Variants in C16orf46 observed in about 807,000 individuals in gnomAD.
The protein encoded by C16orf46 is chromosome 16 open reading frame 46.
A neutral mutation model predicts 5.5 loss-of-function variants in C16orf46; 7 were observed. That is an observed-to-expected ratio of 1.28 (90% CI 0.73 to 2.40). The LOEUF (loss-of-function observed/expected upper bound fraction) is 2.40. Among genes scored for constraint, C16orf46 ranks in the 30% most tolerant of loss-of-function variants. C16orf46 has a pLI of 0.00. For synonymous variants in C16orf46, 200 were observed against 184.1 expected, an observed-to-expected ratio of 1.09 and a Z score of -0.70; for missense variants, 614 against 476.0, an observed-to-expected ratio of 1.29 and a Z score of -2.70.
intron 1 of C16orf46, among the ~76,000 whole-genome samples, chr16:81,072,884 G>A (rs1031747834): frequency 9.2e-5 from 14 of 151,860 alleles, no homozygotes; most frequent in Admixed American, 9.2e-4. Context: ...GTATTTTTTT[G>A]TAGAAACAGG....
chr16:81,071,824 T>C (rs748788748), intron 1 of C16orf46, among the ~76,000 whole-genome samples: 13 of 151,846 alleles, frequency 8.6e-5, no homozygotes, highest in Middle Eastern at 3.2e-3. Flanking sequence ...AGAAAAAAAA[T>C]GCAGGAAGGT....
intron 3 of C16orf46, among the ~76,000 whole-genome samples, chr16:81,054,394 A>G (rs1012764906): frequency 2.6e-4 from 39 of 152,306 alleles, no homozygotes; most frequent in African/African-American, 9.1e-4. Context: ...TGCTTTAGGA[A>G]TTATTTACTC....
Position 81,070,450 on chromosome 16 carries a change from T to G in C16orf46, c.-127-4169A>C, listed in dbSNP as rs191653577. On this transcript the variant is annotated intron_variant, in intron 1 of 3. Coordinates refer to ENST00000299578, the MANE Select transcript of C16orf46 (RefSeq NM_152337.3). ...TGGTATTAGTGAATGAAGAGACACA[T>G]AGGTCAATGCGCCAGAATAAGGAAT... Among the ~76,000 whole-genome samples, 3 of 152,256 alleles carry G rather than the reference T, an allele frequency of 2.0e-5. No individual in the cohort carries two copies. The East Asian group carries it at 5.8e-4, about 29-fold the overall frequency.
chr16:81,059,953 TA>T (rs1206944550), downstream of C16orf46, among the ~76,000 whole-genome samples: 8 of 151,806 alleles, frequency 5.3e-5, no homozygotes, highest in African/African-American at 1.9e-4. Context: ...CACGCCCGGC[TA>T]ATTTTTTGTA....
chr16:81,070,180 A>G (rs975326213), intron 1 of C16orf46, among the ~76,000 whole-genome samples: 1 of 152,204 alleles, frequency 6.6e-6, no homozygotes, highest in Admixed American at 6.5e-5. Context: ...ATATGAAAAC[A>G]CAAAGTCCCA....
chr16:81,062,084 G>A lies in C16orf46; in HGVS notation c.265C>T (p.Pro89Ser). Residue 89 changes from proline to serine, a missense_variant, in exon 4 of 4, where the codon CCA becomes TCA. By Grantham distance (74) the Pro-to-Ser change is moderately conservative (BLOSUM62 -1). Coordinates refer to ENST00000299578, the MANE Select transcript of C16orf46 (RefSeq NM_152337.3). ...CCTTCCCCTACCCTCGCCTTTTTTG[G>A]TATCTTCCTCGGCCAGATGCAGGCA... Reference protein sequence around the residue: ...PAACIWPRKIPKKARVGEGAC... With the variant: ...PAACIWPRKISKKARVGEGAC... 4.3e-6 allele frequency: 7 copies of A among 1,609,220 alleles called. No individual in the cohort carries two copies. The highest frequency in any genetic ancestry group is 5.9e-6 in the Non-Finnish European group (7 of 1,179,788).
intron 1 of C16orf46, among the ~76,000 whole-genome samples, chr16:81,076,177 T>C (rs1972033990): frequency 1.3e-5 from 2 of 152,180 alleles, no homozygotes; most frequent in Non-Finnish European, 2.9e-5. Context: ...GGACCAATCT[T>C]CACTTACATG....
intron 1 of C16orf46, among the ~76,000 whole-genome samples, chr16:81,074,758 G>A (rs1233330875): frequency 6.6e-6 from 1 of 151,630 alleles, no homozygotes; most frequent in Non-Finnish European, 1.5e-5. Context: ...TCACATGAAT[G>A]GCTAAAAATT....
chr16:81,076,812 T>C (rs1010867254), intron 1 of C16orf46: 2 of 152,430 alleles, frequency 1.3e-5, no homozygotes, highest in Non-Finnish European at 2.9e-5. Context: ...GCTCTTCCCC[T>C]TCCTCCGCCA....
intron 1 of C16orf46, among the ~76,000 whole-genome samples, chr16:81,071,313 ACC>A (rs1971845291): frequency 6.6e-6 from 1 of 152,152 alleles, no homozygotes; most frequent in Non-Finnish European, 1.5e-5. Flanking sequence ...AATAAGAGCG[ACC>A]AACTATCTGT....
intron 1 of C16orf46, among the ~76,000 whole-genome samples, chr16:81,073,079 A>ATGCTAGCAGAAAAG (rs1971910901): frequency 6.6e-6 from 1 of 152,242 alleles, no homozygotes; most frequent in Non-Finnish European, 1.5e-5. Context: ...AAGTCACATG[A>ATGCTAGCAGAAAAG]TGCTAGCAGA....
At chr16:81,067,251 G>T (rs557336644) in intron 1 of C16orf46, among the ~76,000 whole-genome samples, 6 of 152,254 alleles carry the variant, frequency 3.9e-5, no homozygotes, top group Non-Finnish European at 2.9e-5. Flanking sequence ...ATGTAAAGTG[G>T]TTTATTTTCT....
At chr16:81,054,165 A>G in intron 3 of C16orf46, 2 of 1,421,550 alleles carry the variant, frequency 1.4e-6, no homozygotes, top group Non-Finnish European at 2.0e-6. Flanking sequence ...GCAGAAGTCA[A>G]TGCATCTGAA....
chr16:81,069,157 C>T (rs977379176), intron 1 of C16orf46, among the ~76,000 whole-genome samples: 2 of 152,240 alleles, frequency 1.3e-5, no homozygotes, highest in Admixed American at 6.6e-5. Context: ...ACTCAAGCTG[C>T]CAGGCTCTTT....
At chr16:81,067,990 A>G (rs990200960) in intron 1 of C16orf46, among the ~76,000 whole-genome samples, 1 of 152,232 alleles carries the variant, frequency 6.6e-6, no homozygotes, top group African/African-American at 2.4e-5. Flanking sequence ...TATTTGTCCA[A>G]TTATTCTTAA....
At position 81,061,003 on chromosome 16, in the gene C16orf46, T is replaced by C; in HGVS notation, c.*158A>G. 7.3e-6 allele frequency: 10 copies of C among 1,377,126 alleles called. No individual in the cohort carries two copies. The highest frequency in any genetic ancestry group is 9.3e-6 in the Non-Finnish European group (10 of 1,076,502). 85.3% of individuals were successfully genotyped at this position (1,377,126 alleles called of 1,614,324 possible). A position where few individuals can be genotyped will look rare whatever the true frequency, so the allele number is the denominator to read the frequency against. On this transcript the variant is annotated 3_prime_UTR_variant, in exon 4 of 4. Coordinates refer to ENST00000299578, the MANE Select transcript of C16orf46 (RefSeq NM_152337.3). ...ACTGAGGTTCAGTTTTCTTCAGTTGTACTACAAAAAAAAAATGGAGGAAAA... is the reference window on the plus strand; with the variant it reads ...ACTGAGGTTCAGTTTTCTTCAGTTGCACTACAAAAAAAAAATGGAGGAAAA...
intron 1 of C16orf46, among the ~76,000 whole-genome samples, chr16:81,071,814 A>AG (rs1429192535): frequency 3.3e-5 from 5 of 152,240 alleles, no homozygotes; most frequent in Non-Finnish European, 4.4e-5. Flanking sequence ...CTTATAAATG[A>AG]GAAAAAAAAT....
intron 1 of C16orf46, among the ~76,000 whole-genome samples, chr16:81,070,785 T>G (rs750552289): frequency 6.6e-6 from 1 of 152,132 alleles, no homozygotes; most frequent in Non-Finnish European, 1.5e-5. Context: ...CCTCCGAGGT[T>G]CAAGCCATTC....
At chr16:81,066,692 G>A (rs1295408261) in intron 1 of C16orf46, among the ~76,000 whole-genome samples, 1 of 152,100 alleles carries the variant, frequency 6.6e-6, no homozygotes, top group Non-Finnish European at 1.5e-5. Context: ...AATATTTTCT[G>A]GTAGTAAAAT....
Sources: allele counts gnomAD v4.1 joint callset (sites outside exome capture counted in the v4.1 genomes callset), GRCh38; gene constraint gnomAD v4.1.1; transcripts MANE v1.5; gene names NCBI Gene and HGNC (gene_info 2026-07-23, HGNC 2026-07-21).